PDZRN4: variants seen among roughly 807,000 people sequenced by gnomAD.
PDZRN4 encodes PDZ domain containing ring finger 4.
PDZRN4 carries 70 observed loss-of-function variants against 99.0 expected under a neutral mutation model. The observed-to-expected ratio is 0.71, with a 90% CI of 0.58 to 0.86. PDZRN4 has a LOEUF of 0.86. Among genes scored for constraint, PDZRN4 ranks in the 40% least tolerant of loss-of-function variants. The probability of loss-of-function intolerance (pLI) is 0.00; values close to 1 mark genes in which losing one functional copy is unlikely to be tolerated. For missense variants in PDZRN4, 1,474 were observed against 1,331.2 expected, an observed-to-expected ratio of 1.11 and a Z score of -1.67; for synonymous variants, 551 against 501.6, an observed-to-expected ratio of 1.10 and a Z score of -1.32.
intron 3 of PDZRN4, among the ~76,000 whole-genome samples, chr12:41,222,413 T>C (rs1950961332): frequency 6.6e-6 from 1 of 152,200 alleles, no homozygotes; most frequent in South Asian, 2.1e-4. Flanking sequence ...GCTGCTGTAC[T>C]CGGTCACACA....
chr12:41,454,526 A>T (rs1952802445), intron 3 of PDZRN4, among the ~76,000 whole-genome samples: 1 of 152,236 alleles, frequency 6.6e-6, no homozygotes, highest in African/African-American at 2.4e-5. Flanking sequence ...CCCTTGCGGG[A>T]GATTGAATAC....
At chr12:41,213,637 A>T (rs2120704931) in intron 3 of PDZRN4, among the ~76,000 whole-genome samples, 1 of 152,208 alleles carries the variant, frequency 6.6e-6, no homozygotes, top group Middle Eastern at 3.4e-3. Context: ...AATACAACAA[A>T]ACAGAACAAC....
intron 3 of PDZRN4, chr12:41,409,612 T>A (rs960665032): frequency 6.6e-6 from 1 of 152,222 alleles, no homozygotes; most frequent in Non-Finnish European, 1.5e-5. Context: ...TTCTTTGTAT[T>A]CTCAATAAGA....
intron 3 of PDZRN4, among the ~76,000 whole-genome samples, chr12:41,247,469 A>C (rs1205578783): frequency 1.3e-5 from 2 of 152,136 alleles, no homozygotes; most frequent in African/African-American, 2.4e-5. Context: ...ATATAAGTTG[A>C]TTGATTGTTG....
chr12:41,565,271 A>G lies in PDZRN4; in HGVS notation c.1467+1622A>G, dbSNP rs946755693. Among the ~76,000 whole-genome samples, 8 of 152,208 alleles carry G rather than the reference A, an allele frequency of 5.3e-5. No individual in the cohort carries two copies. The South Asian group carries it at 1.7e-3, about 32-fold the overall frequency. ...GGATGCTGTCCTGCCTGTCAAAATT[A>G]TGATCTGCATTAGCCCCTTGATCCT... On this transcript the variant is annotated intron_variant, in intron 8 of 9. Coordinates refer to ENST00000402685, the MANE Select transcript of PDZRN4 (RefSeq NM_001164595.2).
intron 3 of PDZRN4, among the ~76,000 whole-genome samples, chr12:41,379,717 AT>A (rs1004346208): frequency 1.3e-4 from 19 of 148,322 alleles, no homozygotes; most frequent in South Asian, 4.3e-4. Flanking sequence ...AAAGTACTTG[AT>A]TTTTTTTTTA....
intron 3 of PDZRN4, among the ~76,000 whole-genome samples, chr12:41,495,492 C>G (rs969399811): frequency 6.6e-6 from 1 of 151,964 alleles, no homozygotes; most frequent in Non-Finnish European, 1.5e-5. Flanking sequence ...ATCAGGATAC[C>G]ATTTTACAGC....
chr12:41,346,379 G>A (rs1951855163), intron 3 of PDZRN4, among the ~76,000 whole-genome samples: 2 of 152,122 alleles, frequency 1.3e-5, no homozygotes, highest in African/African-American at 4.8e-5. Context: ...GGAGAATGGT[G>A]TAAACCTGGG....
intron 5 of PDZRN4, among the ~76,000 whole-genome samples, chr12:41,547,555 G>C (rs1255378984): frequency 6.6e-6 from 1 of 152,064 alleles, no homozygotes; most frequent in Non-Finnish European, 1.5e-5. Context: ...GAACCTGGGA[G>C]TGGAGGTTGC....
chr12:41,530,124 G>A (rs1051320354), intron 5 of PDZRN4, among the ~76,000 whole-genome samples: 2 of 152,184 alleles, frequency 1.3e-5, no homozygotes, highest in Admixed American at 6.5e-5. Flanking sequence ...TACTCTGAGT[G>A]ATAAATACTA....
At chr12:41,202,324 A>T (rs1358649655) in intron 3 of PDZRN4, among the ~76,000 whole-genome samples, 1 of 152,084 alleles carries the variant, frequency 6.6e-6, no homozygotes, top group Non-Finnish European at 1.5e-5. Flanking sequence ...AGGCAAGTTT[A>T]GGGAGGTTGT....
At chr12:41,555,241 A>AAAAAG (rs537949764) in intron 6 of PDZRN4, among the ~76,000 whole-genome samples, 1 of 119,978 alleles carries the variant, frequency 8.3e-6, no homozygotes, top group Non-Finnish European at 1.6e-5. Flanking sequence ...AAAAAAAAAA[A>AAAAAG]AAAAAAAAGA....
chr12:41,222,686 G>A (rs924963303), intron 3 of PDZRN4, among the ~76,000 whole-genome samples: 3 of 151,834 alleles, frequency 2.0e-5, no homozygotes, highest in Non-Finnish European at 2.9e-5. Flanking sequence ...CACCATGCCC[G>A]GCTAGTTTTT....
At chr12:41,245,183 G>A (rs576800712) in intron 3 of PDZRN4, among the ~76,000 whole-genome samples, 49 of 152,104 alleles carry the variant, frequency 3.2e-4, no homozygotes, top group African/African-American at 1.0e-3. Context: ...ATATATATTG[G>A]TTTATTACAC....
At chr12:41,422,592 A>C (rs1952501387) in intron 3 of PDZRN4, among the ~76,000 whole-genome samples, 1 of 152,012 alleles carries the variant, frequency 6.6e-6, no homozygotes, top group African/African-American at 2.4e-5. Flanking sequence ...TGGTGACAGG[A>C]GAGAGAGAGA....
At chr12:41,347,170 A>T (rs7302172) in intron 3 of PDZRN4, among the ~76,000 whole-genome samples, 152,041 of 152,182 alleles carry the variant, frequency 1, 75,950 homozygotes, top group Non-Finnish European at 1. Context: ...TACCTAGGAG[A>T]GGAATTGCTG....
intron 5 of PDZRN4, among the ~76,000 whole-genome samples, chr12:41,538,061 G>A (rs1938779221): frequency 6.6e-6 from 1 of 152,058 alleles, no homozygotes; most frequent in Non-Finnish European, 1.5e-5. Context: ...AGAAAGAAAA[G>A]AGATGAGCAG....
At chr12:41,446,776 G>A (rs1353911254) in intron 3 of PDZRN4, among the ~76,000 whole-genome samples, 2 of 151,852 alleles carry the variant, frequency 1.3e-5, no homozygotes, top group Non-Finnish European at 2.9e-5. Flanking sequence ...TGAGCAAGGG[G>A]CATCTAAGAA....
chr12:41,333,023 C>G (rs1951750369), intron 3 of PDZRN4, among the ~76,000 whole-genome samples: 1 of 152,094 alleles, frequency 6.6e-6, no homozygotes, highest in African/African-American at 2.4e-5. Context: ...AGAATCTTTG[C>G]CAAAGTCACA....
Sources: allele counts gnomAD v4.1 joint callset (sites outside exome capture counted in the v4.1 genomes callset), GRCh38; gene constraint gnomAD v4.1.1; transcripts MANE v1.5; gene names NCBI Gene and HGNC (gene_info 2026-07-23, HGNC 2026-07-21).